The following CASK variants were observed in gnomAD, a reference collection of about 807,000 sequenced individuals.
CASK encodes calcium/calmodulin dependent serine protein kinase.
CASK carries 4 observed loss-of-function variants against 82.9 expected under a neutral mutation model. The ratio of observed to expected loss-of-function variants is 0.05; its 90% CI spans 0.02 to 0.11. CASK has a LOEUF of 0.11. Ranked by LOEUF, CASK falls within the 10% of genes least tolerant of loss-of-function variation. The pLI is 1.00. For missense variants in CASK, 358 were observed against 720.9 expected, an observed-to-expected ratio of 0.50 and a Z score of 5.76; for synonymous variants, 259 against 253.5, an observed-to-expected ratio of 1.02 and a Z score of -0.20.
At chrX:41,531,322 G>A (rs1403803718) in intron 24 of CASK, 113 bp from the exon 25 acceptor site, 17 of 625,738 alleles carry the variant, frequency 2.7e-5, no homozygotes, top group South Asian at 1.8e-4. Flanking sequence ...ATTCTTTAGC[G>A]TATATCTCAT....
intron 5 of CASK, chrX:41,727,974 C>T (rs745795267): frequency 8.7e-7 from 1 of 1,149,088 alleles, no homozygotes; most frequent in African/African-American, 1.8e-5. Flanking sequence ...ATAAAACATT[C>T]AAGAAGACAC....
rs2064580694 is a variant in CASK, at chrX:41,517,801, A to AGCG, written c.*2618_*2619insCGC. 1 of 797,613 alleles carries AGCG rather than the reference A, an allele frequency of 1.3e-6. No individual in the cohort carries two copies. The highest frequency in any genetic ancestry group is 2.1e-5 in the African/African-American group (1 of 47,395). 65.7% of individuals were successfully genotyped at this position (797,613 alleles called of 1,213,427 possible). A position where few individuals can be genotyped will look rare whatever the true frequency, so the allele number is the denominator to read the frequency against. On this transcript the variant is annotated 3_prime_UTR_variant, in exon 27 of 27. Coordinates refer to ENST00000378163, the MANE Select transcript of CASK (RefSeq NM_001367721.1). ...CAGCAGCAGCAGCAGCAGCAGCAGC[A>AGCG]GCAGCAGCAGCAGCAGCAGCAATGT...
In CASK at chrX:41,565,458, C is replaced by T. The variant is rs755783786; in HGVS notation, c.1583-3814G>A. 5.4e-5 allele frequency among the ~76,000 whole-genome samples: 6 copies of T among 111,907 alleles called. No homozygotes were observed. In the East Asian group the frequency reaches 1.7e-3, roughly 31 times the overall value. ...TACCATCAGAGAATACTATAAACAC[C>T]TCTATGCAAATAAACTAGAAAATCT... On this transcript the variant is annotated intron_variant, in intron 16 of 26. Transcript: ENST00000378163.
At chrX:41,792,387 C>A (rs2069745784) in intron 2 of CASK, among the ~76,000 whole-genome samples, 1 of 107,029 alleles carries the variant, frequency 9.3e-6, no homozygotes, top group African/African-American at 3.4e-5. Flanking sequence ...AACTCCTGGG[C>A]TCAAGGGATG....
chrX:41,849,500 T>C (rs1205183037), intron 2 of CASK, among the ~76,000 whole-genome samples: 2 of 112,008 alleles, frequency 1.8e-5, no homozygotes, highest in African/African-American at 6.5e-5. Flanking sequence ...AGTAGAAACT[T>C]CTTATTCATC....
intron 2 of CASK, among the ~76,000 whole-genome samples, chrX:41,810,277 T>C (rs368185607): frequency 1.3e-4 from 14 of 111,684 alleles, no homozygotes; most frequent in Non-Finnish European, 2.4e-4. Context: ...AACTCCAAGA[T>C]ACATAACTGT....
intron 3 of CASK, among the ~76,000 whole-genome samples, chrX:41,780,357 T>C (rs765171475): frequency 8.9e-6 from 1 of 112,063 alleles, no homozygotes; most frequent in African/African-American, 3.2e-5. Flanking sequence ...CTACTGTGTG[T>C]GTTGGGACAA....
intron 1 of CASK, among the ~76,000 whole-genome samples, chrX:41,896,066 T>C (rs1043850138): frequency 1.8e-5 from 2 of 111,618 alleles, no homozygotes; most frequent in African/African-American, 6.5e-5. Flanking sequence ...AAAAATGGGA[T>C]GCCTTACTGA....
At chrX:41,850,674 C>T (rs1201020996) in intron 2 of CASK, among the ~76,000 whole-genome samples, 1 of 111,209 alleles carries the variant, frequency 9.0e-6, no homozygotes, top group African/African-American at 3.3e-5. Context: ...TCTTATGTAG[C>T]ATCTCCTTCT....
intron 2 of CASK, among the ~76,000 whole-genome samples, chrX:41,823,720 G>C (rs5918254): frequency 0.17 from 18,821 of 110,353 alleles, 1,445 homozygotes; most frequent in Middle Eastern, 0.3. Context: ...AATAATTCTT[G>C]TACTTCTCTT....
At chrX:41,838,108 C>T (rs1161219041) in intron 2 of CASK, among the ~76,000 whole-genome samples, 1 of 111,867 alleles carries the variant, frequency 8.9e-6, no homozygotes, top group Non-Finnish European at 1.9e-5. Context: ...CCGCTTCAGC[C>T]TGTGAAAGTG....
chrX:41,876,380 T>C (rs1211080844), intron 1 of CASK, among the ~76,000 whole-genome samples: 3 of 111,585 alleles, frequency 2.7e-5, no homozygotes, highest in African/African-American at 9.8e-5. Context: ...GTCCTAAAAA[T>C]TCCAGATCCA....
At chrX:41,584,318 T>A (rs1185972837) in intron 14 of CASK, 2 of 112,302 alleles carry the variant, frequency 1.8e-5, no homozygotes, top group Admixed American at 9.4e-5. Flanking sequence ...TGACTCAGAG[T>A]CAGAGTTCAT....
At chrX:41,857,607 A>C in intron 1 of CASK, among the ~76,000 whole-genome samples, 1 of 112,373 alleles carries the variant, frequency 8.9e-6, no homozygotes, top group Admixed American at 9.4e-5. Context: ...ACACACAGAG[A>C]AATTTATCAA....
intron 2 of CASK, among the ~76,000 whole-genome samples, chrX:41,848,970 G>T (rs1294058001): frequency 8.9e-6 from 1 of 111,826 alleles, no homozygotes; most frequent in Non-Finnish European, 1.9e-5. Flanking sequence ...CCCTGAAAAA[G>T]TTGATTCTGA....
intron 9 of CASK, among the ~76,000 whole-genome samples, chrX:41,630,692 G>A (rs931457201): frequency 2.7e-5 from 3 of 111,536 alleles, no homozygotes; most frequent in Non-Finnish European, 5.6e-5. Context: ...ATACTGAGGG[G>A]AGAAAGTGTA....
intron 16 of CASK, among the ~76,000 whole-genome samples, chrX:41,563,689 T>C (rs751271472): frequency 8.2e-5 from 9 of 109,853 alleles, no homozygotes; most frequent in Non-Finnish European, 1.3e-4. Flanking sequence ...TTAAAACTTA[T>C]TTTTTTTTAG....
chrX:41,786,795 TA>T, intron 3 of CASK: 1 of 193,520 alleles, frequency 5.2e-6, no homozygotes, highest in Non-Finnish European at 9.6e-6. Context: ...AAAGAGGAAC[TA>T]AGTCTGTCGT....
Position 41,528,638 on chromosome X carries a change from T to C in CASK, c.2520+2369A>G, listed in dbSNP as rs192944321. ...GTATTCTTAGCTCCTGACCCTGTGC[T>C]TGACATATAATAAGGGCTTAATACA... is the stretch of plus-strand genomic sequence containing the variant. On this transcript the variant is annotated intron_variant, in intron 25 of 26. Transcript: ENST00000378163. 9.8e-5 allele frequency among the ~76,000 whole-genome samples: 11 copies of C among 112,491 alleles called. No homozygotes were observed. The Admixed American group carries it at 1.0e-3, about 11-fold the overall frequency.
Sources: gnomAD v4.1 joint callset for allele counts (sites outside exome capture counted in the v4.1 genomes callset) on GRCh38, gnomAD v4.1.1 for gene constraint, MANE v1.5 for transcripts, NCBI Gene and HGNC (gene_info 2026-07-23, HGNC 2026-07-21) for gene names.